OXTR: variants seen among roughly 807,000 people sequenced by gnomAD.
The protein encoded by OXTR is oxytocin receptor.
In OXTR, 19 loss-of-function variants were observed where a neutral mutation model predicts 23.9. The observed-to-expected ratio is 0.80, with a 90% CI of 0.56 to 1.17. The LOEUF is 1.17. Among genes scored for constraint, OXTR ranks in the 50% most tolerant of loss-of-function variants. The pLI, the probability that OXTR is intolerant of heterozygous loss-of-function variation, is 0.00. For missense variants in OXTR, 500 were observed against 550.7 expected (o/e 0.91, Z 0.92); for synonymous variants, 278 against 250.5 (o/e 1.11, Z -1.04).
intron 3 of OXTR, among the ~76,000 whole-genome samples, chr3:8,766,149 G>A (rs974354850): frequency 3.9e-5 from 6 of 152,162 alleles, no homozygotes; most frequent in Non-Finnish European, 7.3e-5. Flanking sequence ...TCCAGCACGC[G>A]TTATGGGATT....
rs237911 is a variant in OXTR at position 8,768,322 on chromosome 3, G to A, written c.-135C>T. On this transcript the variant is annotated 5_prime_UTR_variant, in exon 3 of 4. Coordinates refer to ENST00000316793, the MANE Select transcript of OXTR (RefSeq NM_000916.4). The surrounding 1 kb of genome is among the most constrained non-coding windows in gnomAD (Gnocchi z 5.4). ...GGAGACTCCACGGACGGATCTGCTG[G>A]GTCCACCCTGAAACAAACCGGGAGG... 0.85 allele frequency: 1,017,173 copies of A among 1,202,400 alleles called. 430,865 individuals carry two copies. The highest frequency in any genetic ancestry group is 0.92 in the South Asian group (21,529 of 23,486). The allele number at this position is 1,202,400 out of a possible 1,614,324, so 74.5% of individuals were successfully genotyped here.
At chr3:8,764,200 A>C (rs1422767637) in intron 3 of OXTR, among the ~76,000 whole-genome samples, 1 of 139,860 alleles carries the variant, frequency 7.2e-6, no homozygotes, top group Non-Finnish European at 1.5e-5. Context: ...CCACTCTGGC[A>C]GCCTTGATGG....
At chr3:8,754,576 C>T (rs543581212) in intron 3 of OXTR, among the ~76,000 whole-genome samples, 1 of 152,298 alleles carries the variant, frequency 6.6e-6, no homozygotes, top group South Asian at 2.1e-4. Flanking sequence ...GGTGCAAAAT[C>T]TAGATGTGGC....
At chr3:8,764,843 CTGTG>C (rs1400027413) in intron 3 of OXTR, among the ~76,000 whole-genome samples, 7 of 152,174 alleles carry the variant, frequency 4.6e-5, no homozygotes, top group Non-Finnish European at 8.8e-5. Flanking sequence ...CCCTGCCGGT[CTGTG>C]TTTGGATTCT....
In OXTR at chr3:8,753,089, T is replaced by C. The variant is rs773895891; in HGVS notation, c.1058A>G (p.Lys353Arg). The change falls in exon 4 of 4, where the codon AAG becomes AGG. Residue 353 changes from lysine (K) to arginine (R), a missense_variant. Lys to Arg is a conservative substitution (Grantham distance 26). Coordinates refer to ENST00000316793, the MANE Select transcript of OXTR (RefSeq NM_000916.4). Reference protein sequence around the residue: ...RFLCCSASYLKGRRLGETSAS... With the variant: ...RFLCCSASYLRGRRLGETSAS... ...ACTCGTCTCTCCCAGGCGTCTGCCCTTCAGGTAGCTGGCGGAGCAGCACAG... is the reference window on the plus strand; with the variant it reads ...ACTCGTCTCTCCCAGGCGTCTGCCCCTCAGGTAGCTGGCGGAGCAGCACAG... 1 of 1,614,190 alleles carries C rather than the reference T, an allele frequency of 6.2e-7. No homozygotes were observed. Among genetic ancestry groups the C allele is most frequent in the Non-Finnish European group, 8.5e-7 (1 of 1,180,028 alleles).
At position 8,768,216 on chromosome 3, in the gene OXTR, C is replaced by T. The variant is rs1708682941; in HGVS notation, c.-29G>A. 7.8e-7 allele frequency: 1 copy of T among 1,278,758 alleles called. No homozygotes were observed. Among genetic ancestry groups the T allele is most frequent in the East Asian group, 3.2e-5 (1 of 31,258 alleles). The allele number at this position is 1,278,758 out of a possible 1,614,324, so 79.2% of individuals were successfully genotyped here. ...CCTGGCGGCAGCGGTGCGCCCCGGC[C>T]TTCGAGCCCTTTACGGCTTGGCGCG... On this transcript the variant is annotated 5_prime_UTR_variant, in exon 3 of 4. Transcript: ENST00000316793. The surrounding 1 kb of genome is among the most constrained non-coding windows in gnomAD (Gnocchi z 5.4).
At chr3:8,757,542 C>A (rs907472860) in intron 3 of OXTR, among the ~76,000 whole-genome samples, 1 of 152,132 alleles carries the variant, frequency 6.6e-6, no homozygotes, top group East Asian at 1.9e-4. Context: ...ATTCTACCAG[C>A]GACCTAGAAA....
intron 3 of OXTR, among the ~76,000 whole-genome samples, chr3:8,764,808 T>C (rs1021273886): frequency 2.6e-5 from 4 of 151,884 alleles, no homozygotes; most frequent in Non-Finnish European, 4.4e-5. Context: ...AGCGGGGAGG[T>C]CCCGGCTGCA....
chr3:8,742,709 T>A, the OXTR span: 6 of 324,756 alleles, frequency 1.8e-5, no homozygotes, highest in Non-Finnish European at 3.7e-5. Context: ...GGGTAATCAA[T>A]CAGTATTTAT....
chr3:8,751,485 A>G lies in OXTR; in HGVS notation c.*1492T>C, dbSNP rs908729759. On this transcript the variant is annotated 3_prime_UTR_variant, in exon 4 of 4. Coordinates refer to ENST00000316793, the MANE Select transcript of OXTR (RefSeq NM_000916.4). ...TTCAAGGTTACAAAGATCTATGCCT[A>G]TGTTTCTTTCTAAGATTTTATAGTT... The G allele has an allele frequency of 2.0e-5, 3 of 152,170 alleles. No homozygotes were observed. The highest frequency in any genetic ancestry group is 1.9e-4 in the East Asian group (1 of 5,196). The allele number at this position is 152,170 out of a possible 1,614,324, so 9.4% of individuals were successfully genotyped here.
chr3:8,745,375 A>G, the OXTR span: 133,232 of 659,166 alleles, frequency 0.2, 16,378 homozygotes, highest in African/African-American at 0.38. The surrounding 1 kb of genome is among the most constrained non-coding windows in gnomAD (Gnocchi z 4.8). Context: ...TATGTCTTTA[A>G]AGCAATGCAA....
chr3:8,762,974 G>T (rs1351754921), intron 3 of OXTR, among the ~76,000 whole-genome samples: 1 of 152,152 alleles, frequency 6.6e-6, no homozygotes. Context: ...GGCAAGCACT[G>T]GTTGAGCTAT....
Position 8,767,654 on chromosome 3 carries a change from G to C in OXTR, c.534C>G (p.Arg178=). 1.2e-6 allele frequency: 2 copies of C among 1,612,794 alleles called. No homozygotes were observed. The highest frequency in any genetic ancestry group is 1.7e-5 in the Admixed American group (1 of 59,986). The change falls in exon 3 of 4, where the codon CGC becomes CGG. Residue 178 remains arginine, a synonymous_variant. Coordinates refer to ENST00000316793, the MANE Select transcript of OXTR (RefSeq NM_000916.4). ...AGTCGAAGACGCCGTCAGCCACCTC[G>C]CGCAGAGAGAAGATGTGCACCTGCG... is the stretch of plus-strand genomic sequence containing the variant. ...SAPQVHIFSL[R]EVADGVFDCW...
intron 3 of OXTR, among the ~76,000 whole-genome samples, chr3:8,762,106 C>T (rs930606741): frequency 6.6e-6 from 1 of 152,178 alleles, no homozygotes; most frequent in Non-Finnish European, 1.5e-5. Flanking sequence ...GACACGCCAG[C>T]CCGGGGCCAC....
intron 3 of OXTR, among the ~76,000 whole-genome samples, chr3:8,762,159 C>T (rs951800450): frequency 8.5e-5 from 13 of 152,304 alleles, no homozygotes; most frequent in East Asian, 7.7e-4. Flanking sequence ...GCAGCCAGGG[C>T]ACCTGCTAAT....
At chr3:8,746,209 G>A (rs1410325357), downstream of OXTR, 3 of 228,690 alleles carry the variant, frequency 1.3e-5, no homozygotes, top group Non-Finnish European at 2.6e-5. Context: ...CTCTCCACGC[G>A]CACTCAGGAA....
chr3:8,759,092 T>C (rs1708435065), intron 3 of OXTR, among the ~76,000 whole-genome samples: 1 of 152,224 alleles, frequency 6.6e-6, no homozygotes, highest in Non-Finnish European at 1.5e-5. Context: ...AAATACGCAT[T>C]AAAGTTTGAG....
chr3:8,749,556 G>A (rs919467994), downstream of OXTR, among the ~76,000 whole-genome samples: 1 of 152,224 alleles, frequency 6.6e-6, no homozygotes, highest in South Asian at 2.1e-4. Flanking sequence ...TTTGCACCCA[G>A]AGCTCACCAG....
downstream of OXTR, among the ~76,000 whole-genome samples, chr3:8,749,530 C>A (rs1388947530): frequency 1.3e-5 from 2 of 152,160 alleles, no homozygotes; most frequent in Non-Finnish European, 2.9e-5. Context: ...TGCTAACAGA[C>A]CCCACTGCTG....
Sources: gnomAD v4.1 joint callset for allele counts (sites outside exome capture counted in the v4.1 genomes callset) on GRCh38, gnomAD v4.1.1 for gene constraint, Gnocchi (gnomAD v3.1) non-coding constraint, MANE v1.5 for transcripts, NCBI Gene and HGNC (gene_info 2026-07-23, HGNC 2026-07-21) for gene names.